The following FCHSD2 variants were observed in gnomAD, a reference collection of about 807,000 sequenced individuals.
The protein encoded by FCHSD2 is F-BAR and double SH3 domains protein 2.
A neutral mutation model predicts 108.1 loss-of-function variants in FCHSD2; 38 were observed. The ratio of observed to expected loss-of-function variants is 0.35; its 90% CI spans 0.27 to 0.46. The LOEUF (loss-of-function observed/expected upper bound fraction) is 0.46. Ranked by LOEUF, FCHSD2 falls within the 20% of genes least tolerant of loss-of-function variation. FCHSD2 has a pLI of 1.00. For missense variants in FCHSD2, 751 were observed against 897.8 expected (o/e 0.84, Z 2.09); for synonymous variants, 279 against 314.7 (o/e 0.89, Z 1.20).
intron 8 of FCHSD2, among the ~76,000 whole-genome samples, chr11:72,974,131 C>G (rs1470521417): frequency 2.6e-5 from 4 of 151,742 alleles, no homozygotes; most frequent in Non-Finnish European, 5.9e-5. Context: ...TAACAGAATA[C>G]CACAAACTGG....
intron 13 of FCHSD2, among the ~76,000 whole-genome samples, chr11:72,853,164 A>C (rs904599033): frequency 3.2e-4 from 49 of 152,338 alleles, no homozygotes; most frequent in African/African-American, 1.1e-3. Flanking sequence ...ATTGAGTTCG[A>C]GACTAGAAAG....
intron 12 of FCHSD2, among the ~76,000 whole-genome samples, chr11:72,874,182 T>C (rs570066566): frequency 1.4e-4 from 21 of 152,268 alleles, no homozygotes; most frequent in African/African-American, 1.7e-4. Context: ...CCTAGCACCA[T>C]TGTAGTATGC....
intron 2 of FCHSD2, among the ~76,000 whole-genome samples, chr11:73,131,283 C>T (rs960988646): frequency 8.0e-5 from 12 of 150,396 alleles, no homozygotes; most frequent in East Asian, 1.9e-4. Flanking sequence ...TGTGGGAGGC[C>T]GAGGCAGGTG....
chr11:72,883,210 A>C (rs958735187), intron 12 of FCHSD2, among the ~76,000 whole-genome samples: 1 of 152,228 alleles, frequency 6.6e-6, no homozygotes, highest in South Asian at 2.1e-4. Context: ...CACAAAGAAA[A>C]GCTTGAACTA....
chr11:73,102,937 A>G (rs1340503542), intron 2 of FCHSD2, among the ~76,000 whole-genome samples: 1 of 152,240 alleles, frequency 6.6e-6, no homozygotes, highest in Non-Finnish European at 1.5e-5. Flanking sequence ...ATATTAATAT[A>G]CACAACATGG....
At chr11:72,978,017 T>C (rs1857138784) in intron 8 of FCHSD2, among the ~76,000 whole-genome samples, 1 of 152,146 alleles carries the variant, frequency 6.6e-6, no homozygotes, top group South Asian at 2.1e-4. Flanking sequence ...TGTAGGGACA[T>C]GGATGAAGCT....
chr11:73,069,310 CAAAAAAAAAAA>C (rs369961395), intron 3 of FCHSD2, among the ~76,000 whole-genome samples: 4 of 45,984 alleles, frequency 8.7e-5, no homozygotes, highest in South Asian at 1.5e-3. Context: ...AACTCTGTCT[CAAAAAAAAAAA>C]AAAAAAAAAA....
intron 2 of FCHSD2, among the ~76,000 whole-genome samples, chr11:73,085,815 GCA>G (rs948919388): frequency 3.8e-4 from 57 of 151,864 alleles, no homozygotes; most frequent in African/African-American, 1.3e-3. Context: ...AAAAATGAGA[GCA>G]GAGTTACCAC....
chr11:73,074,453 A>G (rs551969629), intron 3 of FCHSD2, among the ~76,000 whole-genome samples: 36 of 152,322 alleles, frequency 2.4e-4, no homozygotes, highest in African/African-American at 7.2e-4. Flanking sequence ...ACATACGAAA[A>G]TTTACTTCAG....
intron 13 of FCHSD2, among the ~76,000 whole-genome samples, chr11:72,864,014 A>C (rs778156713): frequency 2.6e-5 from 4 of 152,218 alleles, no homozygotes; most frequent in Non-Finnish European, 5.9e-5. Flanking sequence ...TCTTACCCTT[A>C]TCTCCAACAT....
chr11:72,988,916 T>C (rs1857359250), intron 6 of FCHSD2, 48 bp downstream of exon 6: 1 of 1,514,230 alleles, frequency 6.6e-7, no homozygotes, highest in Non-Finnish European at 9.0e-7. Context: ...TTAGCAACAA[T>C]AACATTTATT....
At chr11:72,894,436 T>C (rs893823416) in intron 10 of FCHSD2, among the ~76,000 whole-genome samples, 3 of 152,058 alleles carry the variant, frequency 2.0e-5, no homozygotes, top group African/African-American at 4.8e-5. Context: ...GGCAGGAGGA[T>C]TGTTTGAGCC....
chr11:72,895,907 T>C (rs1345771483), intron 10 of FCHSD2, among the ~76,000 whole-genome samples: 1 of 152,162 alleles, frequency 6.6e-6, no homozygotes, highest in Non-Finnish European at 1.5e-5. Context: ...CAACGCTATA[T>C]GCAATACAAA....
In FCHSD2 at chr11:72,867,779, A is replaced by T. The variant is rs977935590; in HGVS notation, c.1308+86T>A. Reference sequence around the variant, plus strand: ...TAGCAAACTATTATCTTTTTAAAAAATTTTGGCTATTATTAAGTTTGACTA... The same window carrying T: ...TAGCAAACTATTATCTTTTTAAAAATTTTTGGCTATTATTAAGTTTGACTA... On this transcript the variant is annotated intron_variant, in intron 13 of 19. Transcript: ENST00000409418. The T allele has an allele frequency of 8.6e-6, 10 of 1,158,056 alleles. No individual in the cohort carries two copies. In the Admixed American group the frequency reaches 2.0e-4, roughly 23 times the overall value. 71.7% of individuals were successfully genotyped at this position (1,158,056 alleles called of 1,614,324 possible).
At chr11:72,984,889 A>G (rs1284488321) in intron 7 of FCHSD2, among the ~76,000 whole-genome samples, 173 bp downstream of exon 7, 1 of 152,234 alleles carries the variant, frequency 6.6e-6, no homozygotes, top group Non-Finnish European at 1.5e-5. Flanking sequence ...CAAGGTGTTG[A>G]CAGCTGGGTG....
Position 73,048,642 on chromosome 11 carries a change from C to T in FCHSD2, c.166-32757G>A, listed in dbSNP as rs148383061. ...CTTCTTACAGTAAGTGCCGGAAGTACGAAAAAGCTGGAAATAACTTGCCAT... is the reference window on the plus strand; with the variant it reads ...CTTCTTACAGTAAGTGCCGGAAGTATGAAAAAGCTGGAAATAACTTGCCAT... On this transcript the variant is annotated intron_variant, in intron 3 of 19. Coordinates refer to ENST00000409418, the MANE Select transcript of FCHSD2 (RefSeq NM_014824.3). 3.2e-3 allele frequency among the ~76,000 whole-genome samples: 487 copies of T among 152,188 alleles called. 1 individual carries two copies. The highest frequency in any genetic ancestry group is 0.011 in the African/African-American group (464 of 41,520).
At chr11:72,919,821 C>G (rs954128390) in intron 9 of FCHSD2, among the ~76,000 whole-genome samples, 6 of 151,114 alleles carry the variant, frequency 4.0e-5, no homozygotes, top group Non-Finnish European at 5.9e-5. Context: ...GAATAAATGT[C>G]GTTGGATTAA....
intron 10 of FCHSD2, among the ~76,000 whole-genome samples, chr11:72,895,977 A>C (rs1305646743): frequency 6.6e-6 from 1 of 152,184 alleles, no homozygotes; most frequent in African/African-American, 2.4e-5. Flanking sequence ...CATTTCCTGC[A>C]CAGTATATTA....
chr11:73,093,695 G>A (rs905190592), intron 2 of FCHSD2, among the ~76,000 whole-genome samples: 15 of 151,878 alleles, frequency 9.9e-5, no homozygotes, highest in African/African-American at 2.2e-4. Context: ...TCCGCCTCCC[G>A]GGTTCAAGCG....
Sources: gnomAD v4.1 joint callset for allele counts (sites outside exome capture counted in the v4.1 genomes callset) on GRCh38, gnomAD v4.1.1 for gene constraint, MANE v1.5 for transcripts, NCBI Gene and HGNC (gene_info 2026-07-23, HGNC 2026-07-21) for gene names.